The following FBXL13 variants were observed in gnomAD, a reference collection of about 807,000 sequenced individuals.
FBXL13 encodes the protein F-box and leucine-rich repeat protein 13.
Under a neutral mutation model 83.6 loss-of-function variants are expected in FBXL13, and 67 were observed. The ratio of observed to expected loss-of-function variants is 0.80; its 90% CI spans 0.66 to 0.98. FBXL13 has a LOEUF of 0.98. Among genes scored for constraint, FBXL13 ranks in the 50% least tolerant of loss-of-function variants. The pLI is 0.00. For missense variants in FBXL13, 822 were observed against 866.5 expected (o/e 0.95, Z 0.64); for synonymous variants, 272 against 299.5 (o/e 0.91, Z 0.95).
At chr7:103,032,928 T>C (rs1419252799) in intron 2 of FBXL13, among the ~76,000 whole-genome samples, 10 of 151,740 alleles carry the variant, frequency 6.6e-5, no homozygotes, top group East Asian at 1.9e-4. Context: ...ACTTGGGAGG[T>C]TGAGGTGGGA....
chr7:102,852,401 GCA>G lies in FBXL13; in HGVS notation c.1719+2374_1719+2375del, dbSNP rs1805399198. On this transcript the variant is annotated intron_variant, in intron 17 of 19. Coordinates refer to ENST00000313221, the Ensembl canonical transcript of FBXL13. ...ACAATCAGCAGAGTAAACAGACAAT[GCA>G]CAGAGTGGGAGAAAATCTTCACAAT... Among the ~76,000 whole-genome samples the G allele has an allele frequency of 2.0e-5, 3 of 152,180 alleles. No homozygotes were observed. In the South Asian group the frequency reaches 6.2e-4, roughly 32 times the overall value.
chr7:103,004,417 T>C (rs946352307), intron 6 of FBXL13, among the ~76,000 whole-genome samples: 3 of 152,210 alleles, frequency 2.0e-5, no homozygotes, highest in Non-Finnish European at 4.4e-5. Flanking sequence ...AGAGGACCCA[T>C]GGAGTGTGCC....
intron 7 of FBXL13, among the ~76,000 whole-genome samples, chr7:102,965,528 C>T (rs1825881842): frequency 6.6e-6 from 1 of 152,162 alleles, no homozygotes; most frequent in Non-Finnish European, 1.5e-5. Flanking sequence ...TGGAATAGGA[C>T]TAAAATACAC....
At chr7:102,966,501 G>A (rs972275086) in intron 7 of FBXL13, among the ~76,000 whole-genome samples, 1 of 152,166 alleles carries the variant, frequency 6.6e-6, no homozygotes, top group Non-Finnish European at 1.5e-5. Flanking sequence ...GTCTGGAGGA[G>A]AAAGAATATA....
intron 6 of FBXL13, among the ~76,000 whole-genome samples, chr7:102,970,939 G>A (rs1479663697): frequency 6.6e-6 from 1 of 152,048 alleles, no homozygotes; most frequent in African/African-American, 2.4e-5. Flanking sequence ...GATGCTAAGA[G>A]ACACATTACA....
intron 4 of FBXL13, 136 bp from the exon 6 acceptor site, chr7:103,027,694 T>C: frequency 2.0e-6 from 1 of 506,340 alleles, no homozygotes; most frequent in South Asian, 4.2e-5. Context: ...TTATTTACAC[T>C]TGAAATTAAT....
chr7:103,005,637 G>A (rs1790909731), intron 6 of FBXL13, among the ~76,000 whole-genome samples: 1 of 152,162 alleles, frequency 6.6e-6, no homozygotes, highest in Non-Finnish European at 1.5e-5. Context: ...ATCCTCATAT[G>A]GCAGAGAGAG....
chr7:103,036,023 C>T (rs1450179520), intron 2 of FBXL13, among the ~76,000 whole-genome samples: 1 of 152,186 alleles, frequency 6.6e-6, no homozygotes, highest in Non-Finnish European at 1.5e-5. Context: ...GCATTACCTC[C>T]TGAGCTCCAC....
chr7:102,959,054 T>C (rs1466618362), intron 8 of FBXL13, among the ~76,000 whole-genome samples: 1 of 152,034 alleles, frequency 6.6e-6, no homozygotes, highest in Non-Finnish European at 1.5e-5. Flanking sequence ...AGAAAAGATA[T>C]AGGAATAGGC....
chr7:102,975,257 G>A (rs1419662035), intron 6 of FBXL13, among the ~76,000 whole-genome samples: 2 of 152,294 alleles, frequency 1.3e-5, no homozygotes, highest in East Asian at 1.9e-4. Context: ...AAAAGACTCA[G>A]TTCATTTCCA....
chr7:102,982,670 C>T (rs540634491), intron 6 of FBXL13, among the ~76,000 whole-genome samples: 1 of 152,288 alleles, frequency 6.6e-6, no homozygotes, highest in East Asian at 1.9e-4. Flanking sequence ...TGCACAAGCT[C>T]TCTTGCCTGC....
chr7:102,895,872 G>A (rs1308627245), intron 11 of FBXL13, among the ~76,000 whole-genome samples: 1 of 152,178 alleles, frequency 6.6e-6, no homozygotes, highest in Non-Finnish European at 1.5e-5. Flanking sequence ...ATATTTTAGA[G>A]AGCTCTGAAA....
intron 8 of FBXL13, among the ~76,000 whole-genome samples, chr7:102,953,201 A>G (rs1771200609): frequency 6.6e-6 from 1 of 152,220 alleles, no homozygotes; most frequent in Admixed American, 6.5e-5. Flanking sequence ...CATCACAAGA[A>G]GGAAAAACTA....
intron 11 of FBXL13, among the ~76,000 whole-genome samples, chr7:102,909,850 G>C (rs900384506): frequency 2.0e-4 from 30 of 152,148 alleles, no homozygotes; most frequent in African/African-American, 6.8e-4. Context: ...TGTGAGGCTT[G>C]GGGCTGGTTG....
intron 6 of FBXL13, among the ~76,000 whole-genome samples, chr7:103,018,046 A>G (rs1345792543): frequency 1.3e-5 from 2 of 152,210 alleles, no homozygotes; most frequent in African/African-American, 4.8e-5. Flanking sequence ...GTTGAAATGA[A>G]GGAAAAAATG....
chr7:103,035,081 T>C (rs1794941554), intron 2 of FBXL13, among the ~76,000 whole-genome samples: 2 of 152,160 alleles, frequency 1.3e-5, no homozygotes, highest in African/African-American at 4.8e-5. Context: ...ATACGGCATC[T>C]TGTGAAAAGT....
intron 5 of FBXL13, among the ~76,000 whole-genome samples, chr7:103,026,335 G>T (rs78357217): frequency 0.011 from 1,674 of 151,942 alleles, 35 homozygotes; most frequent in African/African-American, 0.039. Context: ...TTAGCTGAAG[G>T]GGGTGTATAA....
intron 16 of FBXL13, among the ~76,000 whole-genome samples, chr7:102,874,868 A>G (rs192670975): frequency 1.3e-5 from 2 of 152,274 alleles, no homozygotes; most frequent in East Asian, 3.9e-4. Context: ...TGCCTGGCCT[A>G]TATTCCTAAG....
intron 8 of FBXL13, chr7:102,934,755 C>T (rs1441167905): frequency 9.3e-6 from 12 of 1,292,810 alleles, no homozygotes; most frequent in Non-Finnish European, 1.2e-5. Context: ...ATAATCCTCC[C>T]TACATCCCAC....
Sources: gnomAD v4.1 joint callset for allele counts (sites outside exome capture counted in the v4.1 genomes callset) on GRCh38, gnomAD v4.1.1 for gene constraint, MANE v1.5 for transcripts, NCBI Gene and HGNC (gene_info 2026-07-23, HGNC 2026-07-21) for gene names.